Variants in XXYLT1 observed in about 807,000 individuals in gnomAD.
XXYLT1 encodes the protein UDP-xylose:alpha-xyloside alpha-1,3-xylosyltransferase.
In XXYLT1, 20 loss-of-function variants were observed where a neutral mutation model predicts 28.9. The observed-to-expected ratio is 0.69, with a 90% confidence interval of 0.49 to 1.00. The LOEUF (loss-of-function observed/expected upper bound fraction) is 1.00, where lower values mean the gene tolerates loss of function less well. Among genes scored for constraint, XXYLT1 ranks in the 50% least tolerant of loss-of-function variants. XXYLT1 has a pLI of 0.00. For synonymous variants in XXYLT1, 257 were observed against 253.8 expected, an observed-to-expected ratio of 1.01 and a Z score of -0.12; for missense variants, 542 against 560.1, an observed-to-expected ratio of 0.97 and a Z score of 0.33.
At position 195,124,848 on chromosome 3, in the gene XXYLT1, C is replaced by A. The variant is rs1366366681; in HGVS notation, c.785+31601G>T. ...GGCTCCGGGAAGGCTGGAGTCTGAG[C>A]CGGCACTGGCAGCGTTTTTCACGGA... On this transcript the variant is annotated intron_variant, in intron 3 of 3. Transcript: ENST00000310380. This position sits in a 1 kb window ranked among gnomAD's most constrained non-coding sequence, Gnocchi z 4.1. Among the ~76,000 whole-genome samples, 1 of 152,136 alleles carries A rather than the reference C, an allele frequency of 6.6e-6. No homozygotes were observed. Among genetic ancestry groups the A allele is most frequent in the Non-Finnish European group, 1.5e-5 (1 of 68,038 alleles).
Position 195,240,735 on chromosome 3 carries a change from A to C in XXYLT1, c.505-13879T>G, listed in dbSNP as rs1034741436. ...GCTATTGGAGGGAAGGTGGTGGCACAAAGCTCAGGCACACTCTACCCAAGT... is the reference window on the plus strand; with the variant it reads ...GCTATTGGAGGGAAGGTGGTGGCACCAAGCTCAGGCACACTCTACCCAAGT... On this transcript the variant is annotated intron_variant, in intron 1 of 3. Coordinates refer to ENST00000310380, the MANE Select transcript of XXYLT1 (RefSeq NM_152531.5). The surrounding 1 kb of genome is among the most constrained non-coding windows in gnomAD (Gnocchi z 4.7). Among the ~76,000 whole-genome samples the C allele has an allele frequency of 1.3e-5, 2 of 152,172 alleles. No individual in the cohort carries two copies. The highest frequency in any genetic ancestry group is 2.4e-5 in the African/African-American group (1 of 41,442).
chr3:195,096,238 T>G (rs1289982652), intron 3 of XXYLT1, among the ~76,000 whole-genome samples: 2 of 152,126 alleles, frequency 1.3e-5, no homozygotes, highest in Admixed American at 6.5e-5. Context: ...TAGGGGAGAT[T>G]GGAGGGTCCC....
At chr3:195,268,353 C>G (rs1233849737) in intron 1 of XXYLT1, among the ~76,000 whole-genome samples, 1 of 151,710 alleles carries the variant, frequency 6.6e-6, no homozygotes, top group East Asian at 1.9e-4. Flanking sequence ...ATCACTTGAA[C>G]CTTGGAGGCA....
In XXYLT1 at chr3:195,270,684, C is replaced by T. The variant is rs1281194095; in HGVS notation, c.375G>A (p.Leu125=). Residue 125 remains leucine, a synonymous_variant, in exon 1 of 4, where the codon CTG becomes CTA. Coordinates refer to ENST00000310380, the MANE Select transcript of XXYLT1 (RefSeq NM_152531.5). ...GCGCCTCGAACTTGGCGAGGCGCAGCAGTGAGCGCAGCGCGACGCGGGCCT... is the reference window on the plus strand; with the variant it reads ...GCGCCTCGAACTTGGCGAGGCGCAGTAGTGAGCGCAGCGCGACGCGGGCCT... ...QAKARVALRS[L]LRLAKFEAHE... 1.9e-6 allele frequency: 3 copies of T among 1,587,188 alleles called. No homozygotes were observed. The highest frequency in any genetic ancestry group is 1.7e-6 in the Non-Finnish European group (2 of 1,171,932).
intron 3 of XXYLT1, among the ~76,000 whole-genome samples, chr3:195,099,657 C>T (rs979900398): frequency 3.9e-5 from 6 of 151,938 alleles, no homozygotes; most frequent in Admixed American, 6.6e-5. Context: ...GTTGAAACCC[C>T]GTCTCTACTA....
intron 1 of XXYLT1, among the ~76,000 whole-genome samples, chr3:195,252,717 CACACACACACAGAG>C (rs913865992): frequency 1.4e-5 from 2 of 139,494 alleles, no homozygotes; most frequent in African/African-American, 3.1e-5. Context: ...CACACACACA[CACACACACACAGAG>C]AGAGAGAGAG....
chr3:195,090,639 A>T (rs1410315043), intron 3 of XXYLT1, among the ~76,000 whole-genome samples: 1 of 149,632 alleles, frequency 6.7e-6, no homozygotes, highest in Non-Finnish European at 1.5e-5. Context: ...GAGCAAACAC[A>T]TTCAAAAGCT....
In XXYLT1 at chr3:195,211,642, C is replaced by CA. The variant is rs535430636; in HGVS notation, c.652+15066dup. Among the ~76,000 whole-genome samples the CA allele has an allele frequency of 4.6e-5, 7 of 151,640 alleles. No individual in the cohort carries two copies. The East Asian group carries it at 7.7e-4, about 17-fold the overall frequency. ...GGGGCAGATAGATGATCAAAACAAA[C>CA]AAAAAAAAGCAAAATCCATTCCACA... On this transcript the variant is annotated intron_variant, in intron 2 of 3. Coordinates refer to ENST00000310380, the MANE Select transcript of XXYLT1 (RefSeq NM_152531.5).
chr3:195,105,156 T>TACTATCACAAGACACA, intron 3 of XXYLT1, among the ~76,000 whole-genome samples: 1 of 152,210 alleles, frequency 6.6e-6, no homozygotes, highest in South Asian at 2.1e-4. Flanking sequence ...ACAAGAATGA[T>TACTATCACAAGACACA]AAAACCACAA....
intron 3 of XXYLT1, among the ~76,000 whole-genome samples, chr3:195,127,258 C>T (rs1190935253): frequency 6.6e-6 from 1 of 152,150 alleles, no homozygotes; most frequent in Non-Finnish European, 1.5e-5. Flanking sequence ...TGGGGAGTAC[C>T]TCACACGGCG....
intron 1 of XXYLT1, among the ~76,000 whole-genome samples, chr3:195,242,450 C>T (rs1724819367): frequency 6.6e-6 from 1 of 152,094 alleles, no homozygotes. Context: ...GGAGCAACAC[C>T]AGGGTTCTTG....
At chr3:195,120,636 T>C (rs1718307380) in intron 3 of XXYLT1, among the ~76,000 whole-genome samples, 2 of 152,192 alleles carry the variant, frequency 1.3e-5, no homozygotes, top group Admixed American at 1.3e-4. Flanking sequence ...CTATTATCCC[T>C]GCAGTGTTCT....
intron 3 of XXYLT1, among the ~76,000 whole-genome samples, chr3:195,116,789 C>T (rs1718065178): frequency 6.6e-6 from 1 of 152,304 alleles, no homozygotes; most frequent in East Asian, 1.9e-4. Flanking sequence ...TGCTTGCCTG[C>T]CTGACCCAGA....
intron 1 of XXYLT1, among the ~76,000 whole-genome samples, chr3:195,259,799 G>A (rs979700404): frequency 6.6e-6 from 1 of 152,226 alleles, no homozygotes; most frequent in African/African-American, 2.4e-5. Flanking sequence ...CCCCCACCAC[G>A]CGGCTCCAAC....
At chr3:195,233,465 T>C (rs1461829235) in intron 1 of XXYLT1, among the ~76,000 whole-genome samples, 1 of 152,256 alleles carries the variant, frequency 6.6e-6, no homozygotes, top group Non-Finnish European at 1.5e-5. Flanking sequence ...TGATTTTCTC[T>C]GGTGTTATGT....
rs1033229608 is a variant in XXYLT1, at chr3:195,144,050, C to T, written c.785+12399G>A. Among the ~76,000 whole-genome samples, 8 of 149,152 alleles carry T rather than the reference C, an allele frequency of 5.4e-5. 1 individual carries two copies. The highest frequency in any genetic ancestry group is 1.3e-4 in the Admixed American group (2 of 14,904). ...CTGGGATTACAGGCACCCGCCACCA[C>T]GCCCAGCTGATTTTTGTATTTTTAT... On this transcript the variant is annotated intron_variant, in intron 3 of 3. Transcript: ENST00000310380.
chr3:195,169,337 G>A (rs1189093792), intron 2 of XXYLT1, among the ~76,000 whole-genome samples: 1 of 152,210 alleles, frequency 6.6e-6, no homozygotes, highest in Non-Finnish European at 1.5e-5. Context: ...GGCCTCTTGT[G>A]ACCCAGCCTT....
chr3:195,224,456 A>C (rs905775181), intron 2 of XXYLT1, among the ~76,000 whole-genome samples: 2 of 152,164 alleles, frequency 1.3e-5, no homozygotes, highest in Non-Finnish European at 2.9e-5. Context: ...TTCCTGGCAT[A>C]ATTCTCACCC....
chr3:195,171,538 T>C (rs1054022510), intron 2 of XXYLT1, among the ~76,000 whole-genome samples: 2 of 152,250 alleles, frequency 1.3e-5, no homozygotes, highest in African/African-American at 4.8e-5. Flanking sequence ...TAAGACATTT[T>C]AACCTTATCC....
Sources: gnomAD v4.1 joint callset for allele counts (sites outside exome capture counted in the v4.1 genomes callset) on GRCh38, gnomAD v4.1.1 for gene constraint, Gnocchi (gnomAD v3.1) non-coding constraint, MANE v1.5 for transcripts, NCBI Gene and HGNC (gene_info 2026-07-23, HGNC 2026-07-21) for gene names.